The following CNTNAP2 variants were observed in gnomAD, a reference collection of about 807,000 sequenced individuals.
CNTNAP2 encodes the protein contactin-associated protein-like 2.
Under a neutral mutation model 155.2 loss-of-function variants are expected in CNTNAP2, and 98 were observed. The observed-to-expected ratio is 0.63, with a 90% confidence interval of 0.54 to 0.75. The LOEUF (loss-of-function observed/expected upper bound fraction) is 0.75, where lower values mean the gene tolerates loss of function less well. CNTNAP2 is among the 30% of genes least tolerant of loss of function. The pLI is 0.00. For synonymous variants in CNTNAP2, 651 were observed against 631.2 expected (o/e 1.03, Z -0.47); for missense variants, 1,727 against 1,688.1 (o/e 1.02, Z -0.40).
At chr7:146,413,891 G>T (rs957703135) in intron 1 of CNTNAP2, among the ~76,000 whole-genome samples, 1 of 151,978 alleles carries the variant, frequency 6.6e-6, no homozygotes, top group African/African-American at 2.4e-5. Flanking sequence ...GTGAAGCTGT[G>T]TTCATCCACT....
intron 3 of CNTNAP2, among the ~76,000 whole-genome samples, chr7:146,992,970 G>T (rs1408603517): frequency 1.3e-5 from 2 of 152,146 alleles, no homozygotes; most frequent in Non-Finnish European, 2.9e-5. Context: ...CATGTTTTAA[G>T]ATGCCATGCG....
At chr7:147,374,042 G>C (rs1796394317) in intron 9 of CNTNAP2, among the ~76,000 whole-genome samples, 1 of 151,838 alleles carries the variant, frequency 6.6e-6, no homozygotes, top group African/African-American at 2.4e-5. Flanking sequence ...CTAAAGAATA[G>C]AAAGCCATAC....
chr7:146,141,886 C>T (rs547379319), intron 1 of CNTNAP2, among the ~76,000 whole-genome samples: 88 of 152,162 alleles, frequency 5.8e-4, no homozygotes, highest in Admixed American at 1.9e-3. Context: ...ATTAAAGACT[C>T]ATAGCCTTTA....
chr7:147,109,020 A>G (rs1800823810), intron 5 of CNTNAP2, among the ~76,000 whole-genome samples: 1 of 152,240 alleles, frequency 6.6e-6, no homozygotes, highest in African/African-American at 2.4e-5. Flanking sequence ...ATCCTGTGGG[A>G]TCCTGCAGGG....
intron 23 of CNTNAP2, among the ~76,000 whole-genome samples, chr7:148,412,706 C>T (rs548065679): frequency 9.2e-5 from 14 of 152,018 alleles, no homozygotes; most frequent in East Asian, 1.9e-4. Context: ...TTCATTGCAC[C>T]GGGTAGGATT....
intron 11 of CNTNAP2, among the ~76,000 whole-genome samples, chr7:147,559,504 A>G (rs1279428238): frequency 6.6e-6 from 1 of 152,250 alleles, no homozygotes; most frequent in Non-Finnish European, 1.5e-5. Flanking sequence ...AAGTGAGGAG[A>G]TATTTGGGTA....
chr7:146,423,002 A>T (rs1204604646), intron 1 of CNTNAP2, among the ~76,000 whole-genome samples: 1 of 152,154 alleles, frequency 6.6e-6, no homozygotes, highest in African/African-American at 2.4e-5. Flanking sequence ...CTGTTACAGC[A>T]CTACTAAAAT....
chr7:147,456,442 A>AG (rs1797919274), intron 10 of CNTNAP2, among the ~76,000 whole-genome samples: 1 of 152,218 alleles, frequency 6.6e-6, no homozygotes, highest in Non-Finnish European at 1.5e-5. Flanking sequence ...TGTAATTACA[A>AG]ACAGTTTTGA....
intron 4 of CNTNAP2, among the ~76,000 whole-genome samples, chr7:147,096,903 C>T (rs1280972321): frequency 1.3e-5 from 2 of 152,102 alleles, no homozygotes; most frequent in Non-Finnish European, 2.9e-5. Context: ...CCAGACAGGA[C>T]CTAACTGCTC....
chr7:148,082,656 T>C (rs1381786508), intron 15 of CNTNAP2, among the ~76,000 whole-genome samples: 1 of 152,058 alleles, frequency 6.6e-6, no homozygotes, highest in East Asian at 1.9e-4. Flanking sequence ...GGAAAGGCCA[T>C]TGGATTTGAA....
At chr7:146,574,360 G>T (rs1354110443) in intron 1 of CNTNAP2, among the ~76,000 whole-genome samples, 2 of 152,106 alleles carry the variant, frequency 1.3e-5, no homozygotes, top group Admixed American at 6.6e-5. Context: ...AAGTTAAATT[G>T]TTTTAAGTCA....
intron 1 of CNTNAP2, among the ~76,000 whole-genome samples, chr7:146,331,943 A>G (rs919929025): frequency 6.6e-6 from 1 of 152,222 alleles, no homozygotes; most frequent in African/African-American, 2.4e-5. Flanking sequence ...AGGCTATCAC[A>G]TATTTTTAAA....
intron 3 of CNTNAP2, among the ~76,000 whole-genome samples, chr7:146,947,572 T>TAC: frequency 3.8e-5 from 1 of 26,408 alleles, no homozygotes; most frequent in Middle Eastern, 0.024. Flanking sequence ...TATATATATA[T>TAC]ATACATATAT....
chr7:147,920,379 A>C (rs938386531), intron 14 of CNTNAP2, among the ~76,000 whole-genome samples: 2 of 138,622 alleles, frequency 1.4e-5, no homozygotes, highest in Admixed American at 7.3e-5. Flanking sequence ...AAAAAAAAGC[A>C]TGTCTCTGAA....
chr7:146,683,312 C>CAT (rs1277728196), intron 1 of CNTNAP2, among the ~76,000 whole-genome samples: 3 of 152,212 alleles, frequency 2.0e-5, no homozygotes, highest in African/African-American at 7.2e-5. Context: ...GGATTACAGG[C>CAT]ATGAGCCACC....
At chr7:148,364,126 C>T (rs1470711278) in intron 21 of CNTNAP2, among the ~76,000 whole-genome samples, 2 of 152,322 alleles carry the variant, frequency 1.3e-5, no homozygotes, top group East Asian at 3.9e-4. Flanking sequence ...CCCGAGCCTC[C>T]CCGACGAGCG....
At chr7:147,111,709 T>C (rs1343597060) in intron 5 of CNTNAP2, among the ~76,000 whole-genome samples, 1 of 152,308 alleles carries the variant, frequency 6.6e-6, no homozygotes, top group East Asian at 1.9e-4. Flanking sequence ...AGTTCTATAC[T>C]GTGTCCCATT....
intron 11 of CNTNAP2, among the ~76,000 whole-genome samples, chr7:147,529,447 A>G (rs1369233622): frequency 6.6e-6 from 1 of 152,310 alleles, no homozygotes; most frequent in East Asian, 1.9e-4. Flanking sequence ...CAAGGGCTTC[A>G]TCCTCCTGGC....
At position 148,301,292 on chromosome 7, in the gene CNTNAP2, T is replaced by TAA. The variant is rs1191956788; in HGVS notation, c.3475+34180_3475+34181dup. Reference sequence around the variant, plus strand: ...CTGGGTGACAAGGCGAGACTCCGTCTAAAAAAAAAAAAAAATATATATATA... The same window carrying TAA: ...CTGGGTGACAAGGCGAGACTCCGTCTAAAAAAAAAAAAAAAAATATATATATA... On this transcript the variant is annotated intron_variant, in intron 21 of 23. Coordinates refer to ENST00000361727, the MANE Select transcript of CNTNAP2 (RefSeq NM_014141.6). 4.7e-3 allele frequency among the ~76,000 whole-genome samples: 556 copies of TAA among 118,738 alleles called. 13 individuals carry two copies. Among genetic ancestry groups the TAA allele is most frequent in the Non-Finnish European group, 5.9e-3 (358 of 60,254 alleles). The allele number at this position is 118,738 out of a possible 152,430, so 77.9% of individuals were successfully genotyped here.
Sources: allele counts gnomAD v4.1 joint callset (sites outside exome capture counted in the v4.1 genomes callset), GRCh38; gene constraint gnomAD v4.1.1; transcripts MANE v1.5; gene names NCBI Gene and HGNC (gene_info 2026-07-23, HGNC 2026-07-21).